ZFHX3: variants seen among roughly 807,000 people sequenced by gnomAD.
The protein encoded by ZFHX3 is zinc finger homeobox 3.
In ZFHX3, 42 loss-of-function variants were observed where a neutral mutation model predicts 279.1. The ratio of observed to expected loss-of-function variants is 0.15; its 90% CI spans 0.12 to 0.19. ZFHX3 has a LOEUF of 0.19. Ranked by LOEUF, ZFHX3 falls within the 10% of genes least tolerant of loss-of-function variation. The probability of loss-of-function intolerance (pLI) is 1.00; values close to 1 mark genes in which losing one functional copy is unlikely to be tolerated. For missense variants in ZFHX3, 4,981 were observed against 4,754.0 expected, an observed-to-expected ratio of 1.05 and a Z score of -1.40; for synonymous variants, 2,293 against 1,957.8, an observed-to-expected ratio of 1.17 and a Z score of -4.52.
At chr16:72,855,771 A>C (rs1214267608) in intron 4 of ZFHX3, among the ~76,000 whole-genome samples, 1 of 152,224 alleles carries the variant, frequency 6.6e-6, no homozygotes, top group Non-Finnish European at 1.5e-5. Context: ...GCACGTGAAG[A>C]AGCTTACAAA....
At chr16:72,922,338 C>A (rs748519787) in intron 3 of ZFHX3, among the ~76,000 whole-genome samples, 3 of 152,186 alleles carry the variant, frequency 2.0e-5, no homozygotes, top group Non-Finnish European at 4.4e-5. Flanking sequence ...CGCATTAGGA[C>A]GGTGAGGCCC....
intron 1 of ZFHX3, among the ~76,000 whole-genome samples, chr16:73,849,663 A>G (rs951527014): frequency 1.3e-5 from 2 of 152,262 alleles, no homozygotes; most frequent in African/African-American, 4.8e-5. Flanking sequence ...CTTCGAAGAT[A>G]TATAAGTGAA....
chr16:72,790,204 G>C (rs2035638871), intron 9 of ZFHX3: 1 of 152,440 alleles, frequency 6.6e-6, no homozygotes, highest in Admixed American at 6.5e-5. Flanking sequence ...AAGATAGTAG[G>C]TAAGGACAGC....
chr16:73,192,812 T>C (rs1968072104), intron 5 of ZFHX3, among the ~76,000 whole-genome samples: 1 of 152,138 alleles, frequency 6.6e-6, no homozygotes, highest in African/African-American at 2.4e-5. Context: ...ACAAATGGGG[T>C]CATTCATTTC....
chr16:73,249,259 CAA>C (rs372301761), intron 5 of ZFHX3, among the ~76,000 whole-genome samples: 261 of 152,018 alleles, frequency 1.7e-3, no homozygotes, highest in African/African-American at 6.1e-3. Flanking sequence ...AAGCCATTTG[CAA>C]AAAGAGGCTA....
Position 73,624,407 on chromosome 16 carries a change from G to C in ZFHX3, c.-1547+55773C>G, listed in dbSNP as rs142892684. ...ACCTGCCGTGTGCTAAGGCAATAAG[G>C]AGAGACGCAGCTGTCATAAACTCAG... On this transcript the variant is annotated intron_variant, in intron 2 of 17. Coordinates refer to the ZFHX3 transcript ENST00000641206. 2.7e-3 allele frequency among the ~76,000 whole-genome samples: 417 copies of C among 152,248 alleles called. 2 individuals are homozygous for C. Among genetic ancestry groups the C allele is most frequent in the Non-Finnish European group, 3.6e-3 (248 of 68,022 alleles).
intron 3 of ZFHX3, among the ~76,000 whole-genome samples, chr16:73,408,934 C>T (rs1439899626): frequency 1.3e-5 from 2 of 152,038 alleles, no homozygotes; most frequent in East Asian, 3.9e-4. Flanking sequence ...GATTATCCCA[C>T]CCCGCCAAAA....
At chr16:73,820,629 T>C (rs867130604) in intron 1 of ZFHX3, among the ~76,000 whole-genome samples, 4 of 152,114 alleles carry the variant, frequency 2.6e-5, no homozygotes, top group African/African-American at 4.8e-5. Context: ...TGTAACCCCC[T>C]GTGAGACTCC....
chr16:73,424,183 T>C (rs1404056010), intron 3 of ZFHX3, among the ~76,000 whole-genome samples: 1 of 152,164 alleles, frequency 6.6e-6, no homozygotes, highest in Non-Finnish European at 1.5e-5. Context: ...CCCGAAAGCA[T>C]ACTGACCAAT....
intron 2 of ZFHX3, among the ~76,000 whole-genome samples, chr16:73,608,496 T>C (rs1430028654): frequency 6.6e-6 from 1 of 152,230 alleles, no homozygotes; most frequent in Non-Finnish European, 1.5e-5. Flanking sequence ...TCAGAGATTA[T>C]TGAAAAGTAC....
At chr16:73,199,135 G>T (rs1033464099) in intron 5 of ZFHX3, among the ~76,000 whole-genome samples, 2 of 152,142 alleles carry the variant, frequency 1.3e-5, no homozygotes, top group African/African-American at 4.8e-5. Context: ...CTGATGTCCA[G>T]GTTCAACTAT....
chr16:73,494,654 G>C (rs2019108118), intron 2 of ZFHX3, among the ~76,000 whole-genome samples: 1 of 151,640 alleles, frequency 6.6e-6, no homozygotes, highest in Non-Finnish European at 1.5e-5. Context: ...TCCGCCCACG[G>C]GTTCAAGCGA....
chr16:73,082,930 T>A (rs1965967022), intron 8 of ZFHX3, among the ~76,000 whole-genome samples: 2 of 151,096 alleles, frequency 1.3e-5, no homozygotes, highest in South Asian at 4.2e-4. Flanking sequence ...ATGCCTGTAA[T>A]CTTAGCACTT....
At chr16:73,731,714 GA>G (rs2142249875) in intron 1 of ZFHX3, among the ~76,000 whole-genome samples, 1 of 152,154 alleles carries the variant, frequency 6.6e-6, no homozygotes, top group East Asian at 1.9e-4. Flanking sequence ...GCTACAATAA[GA>G]AAATGCAAAT....
At chr16:73,166,362 A>G (rs1967368042) in intron 5 of ZFHX3, among the ~76,000 whole-genome samples, 2 of 152,218 alleles carry the variant, frequency 1.3e-5, no homozygotes, top group Admixed American at 1.3e-4. Flanking sequence ...GAGACAAATC[A>G]AGAAGGAAGC....
intron 5 of ZFHX3, among the ~76,000 whole-genome samples, chr16:73,147,658 C>CTG (rs1209255911): frequency 7.2e-6 from 1 of 138,228 alleles, no homozygotes; most frequent in African/African-American, 2.7e-5. Flanking sequence ...CGCCACCGCA[C>CTG]TCCAGCCTGG....
chr16:73,326,719 A>G (rs776090579), intron 3 of ZFHX3, among the ~76,000 whole-genome samples: 1 of 152,240 alleles, frequency 6.6e-6, no homozygotes, highest in Non-Finnish European at 1.5e-5. Context: ...CTGTGAATAT[A>G]CTAAACACTC....
chr16:73,742,980 G>A (rs1745335635), intron 1 of ZFHX3, among the ~76,000 whole-genome samples: 1 of 152,134 alleles, frequency 6.6e-6, no homozygotes, highest in African/African-American at 2.4e-5. Flanking sequence ...TAATGTAGGA[G>A]GTAGGAAATG....
intron 1 of ZFHX3, among the ~76,000 whole-genome samples, chr16:73,732,282 G>A (rs1567564644): frequency 6.6e-6 from 1 of 152,284 alleles, no homozygotes; most frequent in East Asian, 1.9e-4. Flanking sequence ...TCCAAAGAGG[G>A]CTACTTTCTG....
Sources: gnomAD v4.1 joint callset for allele counts (sites outside exome capture counted in the v4.1 genomes callset) on GRCh38, gnomAD v4.1.1 for gene constraint, MANE v1.5 for transcripts, NCBI Gene and HGNC (gene_info 2026-07-23, HGNC 2026-07-21) for gene names.